Variants in FAM200B observed in about 807,000 individuals in gnomAD.
FAM200B encodes zinc finger BED-type containing 11, also known as protein FAM200B.
A neutral mutation model predicts 33.1 loss-of-function variants in FAM200B; 32 were observed. The ratio of observed to expected loss-of-function variants is 0.97; its 90% CI spans 0.73 to 1.30. The LOEUF is 1.30. Among genes scored for constraint, FAM200B ranks in the 50% most tolerant of loss-of-function variants. The pLI is 0.00. For missense variants in FAM200B, 741 were observed against 754.0 expected, an observed-to-expected ratio of 0.98 and a Z score of 0.20; for synonymous variants, 240 against 264.8, an observed-to-expected ratio of 0.91 and a Z score of 0.91.
At chr4:15,644,049 C>CA in the FAM200B span, among the ~76,000 whole-genome samples, 1 of 152,200 alleles carries the variant, frequency 6.6e-6, no homozygotes, top group Non-Finnish European at 1.5e-5. Context: ...CCAGTTTCAG[C>CA]AAAAATCCTG....
chr4:15,677,088 A>G (rs1718022308), upstream of FAM200B, among the ~76,000 whole-genome samples: 1 of 152,190 alleles, frequency 6.6e-6, no homozygotes, highest in South Asian at 2.1e-4. Context: ...AACTATAATA[A>G]ACTCTGAAGA....
At chr4:15,648,962 T>C in the FAM200B span, among the ~76,000 whole-genome samples, 1 of 152,176 alleles carries the variant, frequency 6.6e-6, no homozygotes, top group Admixed American at 6.5e-5. Context: ...AAGCATTGCA[T>C]TGTACACCTT....
the FAM200B span, among the ~76,000 whole-genome samples, chr4:15,647,012 C>G: frequency 6.6e-6 from 1 of 151,638 alleles, no homozygotes; most frequent in Non-Finnish European, 1.5e-5. Context: ...TACCTGAGGT[C>G]AGGAGTTCGA....
the FAM200B span, among the ~76,000 whole-genome samples, chr4:15,673,855 T>A: frequency 6.6e-6 from 1 of 152,208 alleles, no homozygotes; most frequent in Non-Finnish European, 1.5e-5. Flanking sequence ...CCTCTCCCTG[T>A]ACTATGGCTT....
chr4:15,660,807 G>A, the FAM200B span, among the ~76,000 whole-genome samples: 612 of 152,294 alleles, frequency 4.0e-3, 2 homozygotes, highest in Middle Eastern at 0.01. Context: ...GGCCCAGCAC[G>A]GTGGCTCACG....
At position 15,688,279 on chromosome 4, in the gene FAM200B, T is replaced by C; in HGVS notation, c.1302T>C (p.Asp434=). ...TWVTKLAYLT[D]IFSILNELSL... ...TAACAAAATTGGCATATTTAACTGA[T>C]ATTTTTAGCATTCTTAATGAACTGA... is the stretch of plus-strand genomic sequence containing the variant. Residue 434 remains aspartate (D), a synonymous_variant, in exon 2 of 2, where the codon GAT becomes GAC. Transcript: ENST00000422728. 1 of 1,548,388 alleles carries C rather than the reference T, an allele frequency of 6.5e-7. No homozygotes were observed. Among genetic ancestry groups the C allele is most frequent in the South Asian group, 1.2e-5 (1 of 83,950 alleles).
At chr4:15,676,739 T>A (rs1324136157), upstream of FAM200B, among the ~76,000 whole-genome samples, 1 of 152,012 alleles carries the variant, frequency 6.6e-6, no homozygotes, top group East Asian at 1.9e-4. Context: ...AGGTGTTGGG[T>A]TGTTGGGTTC....
At chr4:15,666,468 T>G in the FAM200B span, among the ~76,000 whole-genome samples, 6 of 152,016 alleles carry the variant, frequency 3.9e-5, no homozygotes, top group Non-Finnish European at 7.4e-5. Context: ...GTTAAACTCA[T>G]ATAAGTAAAG....
chr4:15,640,994 C>G, the FAM200B span: 1 of 531,916 alleles, frequency 1.9e-6, no homozygotes, highest in African/African-American at 2.1e-5. Flanking sequence ...AAAAAATAGA[C>G]AAATTGCAAA....
chr4:15,673,705 G>A, the FAM200B span, among the ~76,000 whole-genome samples: 3 of 152,180 alleles, frequency 2.0e-5, no homozygotes, highest in Admixed American at 2.0e-4. Context: ...CTTACCTGAA[G>A]AATCAGGAGA....
At position 15,689,701 on chromosome 4, in the gene FAM200B, C is replaced by T. The variant is rs1577551808; in HGVS notation, c.*750C>T. 1 of 158,788 alleles carries T rather than the reference C, an allele frequency of 6.3e-6. No individual in the cohort carries two copies. Among genetic ancestry groups the T allele is most frequent in the South Asian group, 2.1e-4 (1 of 4,828 alleles). The allele number at this position is 158,788 out of a possible 1,614,324, so 9.8% of individuals were successfully genotyped here. ...CTGTGGCAGGAGGGTCGCTTGACCT[C>T]AGGAGTTTGAAGTTGCAGTCATCTA... On this transcript the variant is annotated 3_prime_UTR_variant, in exon 2 of 2. Coordinates refer to ENST00000422728, the MANE Select transcript of FAM200B (RefSeq NM_001145191.2).
the FAM200B span, chr4:15,659,723 C>T: frequency 2.2e-5 from 22 of 985,114 alleles, no homozygotes; most frequent in African/African-American, 3.7e-4. Context: ...TTTATGTCAC[C>T]TACCTTGCGT....
At chr4:15,650,538 A>G in the FAM200B span, among the ~76,000 whole-genome samples, 84 of 152,320 alleles carry the variant, frequency 5.5e-4, no homozygotes, top group African/African-American at 1.9e-3. Flanking sequence ...AGTGACCTAT[A>G]AAGTTATATA....
chr4:15,641,005 G>A, the FAM200B span: 2 of 517,152 alleles, frequency 3.9e-6, no homozygotes, highest in South Asian at 3.1e-5. Flanking sequence ...AAATTGCAAA[G>A]TGGTCTCTGT....
At chr4:15,674,132 C>T in the FAM200B span, among the ~76,000 whole-genome samples, 1 of 150,848 alleles carries the variant, frequency 6.6e-6, no homozygotes, top group African/African-American at 2.4e-5. Flanking sequence ...TTGGTGCCTG[C>T]AGAATAGGAA....
At chr4:15,655,985 C>T in the FAM200B span, among the ~76,000 whole-genome samples, 1 of 152,174 alleles carries the variant, frequency 6.6e-6, no homozygotes, top group Non-Finnish European at 1.5e-5. Flanking sequence ...GTGCGAGGGG[C>T]GGGGCAGAGA....
the FAM200B span, among the ~76,000 whole-genome samples, chr4:15,674,231 C>T: frequency 1.3e-5 from 2 of 149,720 alleles, no homozygotes; most frequent in Non-Finnish European, 1.5e-5. Flanking sequence ...AATTCTCTAG[C>T]CCTATGTCAT....
chr4:15,638,712 T>C, the FAM200B span: 2 of 1,502,298 alleles, frequency 1.3e-6, no homozygotes, highest in Non-Finnish European at 1.8e-6. Context: ...AAACAAAATA[T>C]TCACGAGGAA....
At chr4:15,664,952 A>G in the FAM200B span, among the ~76,000 whole-genome samples, 1 of 151,132 alleles carries the variant, frequency 6.6e-6, no homozygotes, top group Non-Finnish European at 1.5e-5. Flanking sequence ...TTAATGATTC[A>G]TTAAGTTTAA....
Sources: gnomAD v4.1 joint callset for allele counts (sites outside exome capture counted in the v4.1 genomes callset) on GRCh38, gnomAD v4.1.1 for gene constraint, MANE v1.5 for transcripts, NCBI Gene and HGNC (gene_info 2026-07-23, HGNC 2026-07-21) for gene names.